RIMBP2: variants seen among roughly 807,000 people sequenced by gnomAD.
RIMBP2 encodes the protein RIMS-binding protein 2.
In RIMBP2, 48 loss-of-function variants were observed where a neutral mutation model predicts 118.6. That is an observed-to-expected ratio of 0.40 (90% confidence interval 0.32 to 0.51). The LOEUF (loss-of-function observed/expected upper bound fraction) is 0.51, where lower values mean the gene tolerates loss of function less well. Among genes scored for constraint, RIMBP2 ranks in the 20% least tolerant of loss-of-function variants. The pLI is 0.41. For synonymous variants in RIMBP2, 762 were observed against 742.9 expected (o/e 1.03, Z -0.42); for missense variants, 1,551 against 1,768.3 (o/e 0.88, Z 2.20).
chr12:130,569,773 C>G (rs2057492502), intron 2 of RIMBP2, among the ~76,000 whole-genome samples: 1 of 152,318 alleles, frequency 6.6e-6, no homozygotes, highest in Middle Eastern at 3.4e-3. Context: ...GCCTCCCCAG[C>G]CATGCTTCCT....
At chr12:130,606,376 G>A (rs2060187386) in intron 2 of RIMBP2, among the ~76,000 whole-genome samples, 1 of 152,190 alleles carries the variant, frequency 6.6e-6, no homozygotes, top group South Asian at 2.1e-4. Flanking sequence ...AAAAAAGGAA[G>A]CATGGGGTTT....
intron 2 of RIMBP2, among the ~76,000 whole-genome samples, chr12:130,532,712 C>T (rs11060976): frequency 0.2 from 15,638 of 79,684 alleles, 4,707 homozygotes; most frequent in Non-Finnish European, 0.29. Context: ...CTAGGAGTTA[C>T]GTCTAATGAG....
At chr12:130,459,981 AG>A (rs2079831416) in intron 6 of RIMBP2, among the ~76,000 whole-genome samples, 1 of 152,214 alleles carries the variant, frequency 6.6e-6, no homozygotes, top group Admixed American at 6.5e-5. Flanking sequence ...GACATTTAAC[AG>A]ATATTTGATG....
At chr12:130,583,910 C>T (rs1298796178) in intron 2 of RIMBP2, among the ~76,000 whole-genome samples, 2 of 149,704 alleles carry the variant, frequency 1.3e-5, no homozygotes, top group Non-Finnish European at 3.0e-5. Flanking sequence ...GACATCATCA[C>T]CTTCATCACT....
rs1593333539 is a variant in RIMBP2, at chr12:130,447,711, T to C, written c.582-2442A>G. 6.6e-6 allele frequency among the ~76,000 whole-genome samples: 1 copy of C among 151,950 alleles called. No individual in the cohort carries two copies. Among genetic ancestry groups the C allele is most frequent in the Non-Finnish European group, 1.5e-5 (1 of 67,974 alleles). On this transcript the variant is annotated intron_variant, in intron 9 of 22. Coordinates refer to ENST00000690449, the MANE Select transcript of RIMBP2 (RefSeq NM_001393629.1). The surrounding 1 kb of genome is among the most constrained non-coding windows in gnomAD (Gnocchi z 4.4). ...GTACAGCTGGCGAAAGGAAGGATGG[T>C]GATGAATGTGTCAGCCTCACCCTGG...
At chr12:130,601,703 T>C (rs182655441) in intron 2 of RIMBP2, among the ~76,000 whole-genome samples, 7 of 152,354 alleles carry the variant, frequency 4.6e-5, no homozygotes, top group African/African-American at 1.7e-4. Flanking sequence ...AAGAGAGTTA[T>C]TGATCTACTT....
chr12:130,501,139 C>G (rs749800313), intron 4 of RIMBP2, among the ~76,000 whole-genome samples: 56 of 152,178 alleles, frequency 3.7e-4, no homozygotes, highest in Non-Finnish European at 7.2e-4. Context: ...GCCTCTCACA[C>G]TCCACGTCCA....
At chr12:130,645,841 C>G (rs1008784384) in intron 1 of RIMBP2, among the ~76,000 whole-genome samples, 4 of 152,228 alleles carry the variant, frequency 2.6e-5, no homozygotes, top group African/African-American at 7.2e-5. Flanking sequence ...GATTTCTTAC[C>G]AACAGAAATC....
chr12:130,404,016 G>A (rs1193194992), intron 21 of RIMBP2, among the ~76,000 whole-genome samples: 3 of 152,042 alleles, frequency 2.0e-5, no homozygotes, highest in Non-Finnish European at 4.4e-5. Context: ...AATACATAAC[G>A]AGTCACAGAT....
intron 1 of RIMBP2, among the ~76,000 whole-genome samples, chr12:130,699,323 C>A (rs1435699747): frequency 2.6e-5 from 4 of 152,058 alleles, no homozygotes; most frequent in Non-Finnish European, 5.9e-5. Context: ...GACTTGGAAC[C>A]AACCCAAATG....
intron 2 of RIMBP2, among the ~76,000 whole-genome samples, chr12:130,569,761 A>G (rs2057491449): frequency 6.6e-6 from 1 of 152,124 alleles, no homozygotes; most frequent in Non-Finnish European, 1.5e-5. Flanking sequence ...GCGTTTCCTG[A>G]GGCCTCCCCA....
chr12:130,527,994 A>T (rs932543911), intron 2 of RIMBP2, among the ~76,000 whole-genome samples: 2 of 152,188 alleles, frequency 1.3e-5, no homozygotes, highest in African/African-American at 4.8e-5. Flanking sequence ...TACACTGTTG[A>T]TGGGGATGTA....
rs943668716 is a variant in RIMBP2 at position 130,621,743 on chromosome 12, T to C, written c.-217+6579A>G. Among the ~76,000 whole-genome samples the C allele has an allele frequency of 2.6e-5, 4 of 152,084 alleles. No individual in the cohort carries two copies. Among genetic ancestry groups the C allele is most frequent in the African/African-American group, 7.2e-5 (3 of 41,400 alleles). ...GGATGATACCGAGACCTGGGTACCA[T>C]AGCTGGAAGTGTGACTATTTCCTCG... On this transcript the variant is annotated intron_variant, in intron 2 of 22. Coordinates refer to ENST00000690449, the MANE Select transcript of RIMBP2 (RefSeq NM_001393629.1). The surrounding 1 kb of genome is among the most constrained non-coding windows in gnomAD (Gnocchi z 6.6).
Position 130,590,046 on chromosome 12 carries a change from CA to C in RIMBP2, c.-217+38275del, listed in dbSNP as rs2059157637. Among the ~76,000 whole-genome samples, 3 of 152,294 alleles carry C rather than the reference CA, an allele frequency of 2.0e-5. No homozygotes were observed. In the South Asian group the frequency reaches 6.2e-4, roughly 32 times the overall value. ...GATTGGAGTCTTCGACTCTCAGATA[CA>C]AATCTACTAAGAATTCATTACATCT... On this transcript the variant is annotated intron_variant, in intron 2 of 22. Coordinates refer to ENST00000690449, the MANE Select transcript of RIMBP2 (RefSeq NM_001393629.1).
intron 22 of RIMBP2, 126 bp downstream of exon 22, chr12:130,399,553 G>T: frequency 8.9e-7 from 1 of 1,120,046 alleles, no homozygotes; most frequent in Non-Finnish European, 1.3e-6. Flanking sequence ...TCAGGGCAGA[G>T]AAAAAAAATT....
intron 4 of RIMBP2, among the ~76,000 whole-genome samples, chr12:130,497,000 G>A (rs571304627): frequency 2.0e-5 from 3 of 152,240 alleles, no homozygotes; most frequent in South Asian, 2.1e-4. Flanking sequence ...TGTACCCTCC[G>A]AAAGCTCCAG....
intron 6 of RIMBP2, among the ~76,000 whole-genome samples, chr12:130,463,922 T>G (rs12304224): frequency 6.6e-6 from 1 of 150,546 alleles, no homozygotes; most frequent in Admixed American, 6.7e-5. Flanking sequence ...GACCGCTGGT[T>G]GTCCTCACAG....
At chr12:130,608,677 T>C (rs960844536) in intron 2 of RIMBP2, among the ~76,000 whole-genome samples, 1 of 152,212 alleles carries the variant, frequency 6.6e-6, no homozygotes, top group African/African-American at 2.4e-5. Context: ...TCTTTAGGAC[T>C]CTGATTTTGT....
At chr12:130,493,268 A>G (rs777531491) in intron 4 of RIMBP2, among the ~76,000 whole-genome samples, 2 of 150,938 alleles carry the variant, frequency 1.3e-5, no homozygotes, top group Non-Finnish European at 3.0e-5. Flanking sequence ...TCATTATTTG[A>G]TCTCCCCTTT....
Sources: gnomAD v4.1 joint callset for allele counts (sites outside exome capture counted in the v4.1 genomes callset) on GRCh38, gnomAD v4.1.1 for gene constraint, Gnocchi (gnomAD v3.1) non-coding constraint, MANE v1.5 for transcripts, NCBI Gene and HGNC (gene_info 2026-07-23, HGNC 2026-07-21) for gene names.